The following MAF variants were observed in gnomAD, a reference collection of about 807,000 sequenced individuals.
MAF encodes transcription factor Maf.
MAF carries 10 observed loss-of-function variants against 22.0 expected under a neutral mutation model. The observed-to-expected ratio is 0.45, with a 90% CI of 0.28 to 0.77. MAF has a LOEUF of 0.77. Among genes scored for constraint, MAF ranks in the 30% least tolerant of loss-of-function variants. The pLI is 0.12. For synonymous variants in MAF, 337 were observed against 255.8 expected (o/e 1.32, Z -3.03); for missense variants, 544 against 548.4 (o/e 0.99, Z 0.08).
chr16:79,510,217 A>G, the MAF span, among the ~76,000 whole-genome samples: 1 of 152,238 alleles, frequency 6.6e-6, no homozygotes, highest in Non-Finnish European at 1.5e-5. Context: ...ATTGGCCCAC[A>G]GCAAAAGGGC....
the MAF span, among the ~76,000 whole-genome samples, chr16:79,356,679 C>A: frequency 8.1e-4 from 123 of 152,316 alleles, no homozygotes; most frequent in African/African-American, 2.9e-3. Flanking sequence ...CTTCCCCCCA[C>A]TTTCCACTGG....
intron 1 of MAF, chr16:79,597,085 T>C (rs754064092): frequency 2.8e-6 from 3 of 1,058,480 alleles, no homozygotes; most frequent in East Asian, 5.2e-5. Context: ...ACCCAACTTA[T>C]ATTTAAGTTG....
the MAF span, among the ~76,000 whole-genome samples, chr16:79,559,589 G>C: frequency 3.9e-4 from 59 of 152,008 alleles, no homozygotes; most frequent in Admixed American, 1.7e-3. Flanking sequence ...TGTCACTGCA[G>C]ACAAACTGAC....
chr16:79,519,539 G>T, the MAF span, among the ~76,000 whole-genome samples: 1 of 152,256 alleles, frequency 6.6e-6, no homozygotes, highest in East Asian at 1.9e-4. Flanking sequence ...ACCACTCTCT[G>T]TCCCTCCCTT....
chr16:79,563,021 T>G, the MAF span, among the ~76,000 whole-genome samples: 1 of 152,218 alleles, frequency 6.6e-6, no homozygotes, highest in Non-Finnish European at 1.5e-5. Flanking sequence ...TGTCCATTCA[T>G]CCGTTCAGCA....
the MAF span, among the ~76,000 whole-genome samples, chr16:79,501,448 C>G: frequency 6.6e-6 from 1 of 152,172 alleles, no homozygotes; most frequent in East Asian, 1.9e-4. Flanking sequence ...AGTCAAGCCA[C>G]CAGAACAGGC....
At chr16:79,559,032 G>C in the MAF span, among the ~76,000 whole-genome samples, 5 of 152,110 alleles carry the variant, frequency 3.3e-5, no homozygotes, top group Non-Finnish European at 5.9e-5. Flanking sequence ...AATCTCGCCT[G>C]GTGGCTGTGT....
At chr16:79,462,168 C>T in the MAF span, among the ~76,000 whole-genome samples, 2 of 152,212 alleles carry the variant, frequency 1.3e-5, no homozygotes, top group African/African-American at 4.8e-5. Context: ...ATAATAATGG[C>T]CACAATGGCT....
At chr16:79,425,584 G>T in the MAF span, among the ~76,000 whole-genome samples, 1 of 151,956 alleles carries the variant, frequency 6.6e-6, no homozygotes, top group Non-Finnish European at 1.5e-5. Context: ...CCAAATAATG[G>T]ATTAGGTATT....
chr16:79,522,821 A>G, the MAF span, among the ~76,000 whole-genome samples: 1 of 152,214 alleles, frequency 6.6e-6, no homozygotes, highest in East Asian at 1.9e-4. Flanking sequence ...TAATGGATTA[A>G]GGCTGTAAAT....
At chr16:79,560,420 TG>T in the MAF span, among the ~76,000 whole-genome samples, 1 of 145,550 alleles carries the variant, frequency 6.9e-6, no homozygotes, top group African/African-American at 2.6e-5. Context: ...AAAAGCAAGC[TG>T]AAAAAAAAAA....
At chr16:79,487,230 T>C in the MAF span, among the ~76,000 whole-genome samples, 1 of 150,414 alleles carries the variant, frequency 6.6e-6, no homozygotes, top group South Asian at 2.1e-4. Flanking sequence ...AAAATTCCCA[T>C]GTGACTCCAG....
At chr16:79,228,705 A>G in the MAF span, among the ~76,000 whole-genome samples, 1 of 152,036 alleles carries the variant, frequency 6.6e-6, no homozygotes, top group Non-Finnish European at 1.5e-5. Flanking sequence ...TATGGTTGAA[A>G]ATTCAGATGT....
the MAF span, among the ~76,000 whole-genome samples, chr16:79,516,774 C>A: frequency 1.3e-5 from 2 of 152,300 alleles, no homozygotes; most frequent in African/African-American, 4.8e-5. Flanking sequence ...ACTGTGTACC[C>A]TGGAGCTCTA....
the MAF span, among the ~76,000 whole-genome samples, chr16:79,408,296 C>T: frequency 6.6e-6 from 1 of 151,970 alleles, no homozygotes; most frequent in Non-Finnish European, 1.5e-5. Flanking sequence ...CCTGCCTCAG[C>T]CTCTGGAGTA....
the MAF span, among the ~76,000 whole-genome samples, chr16:79,304,111 G>A: frequency 6.6e-6 from 1 of 151,986 alleles, no homozygotes; most frequent in Non-Finnish European, 1.5e-5. Flanking sequence ...ACTTGACAAG[G>A]CTTGGCAGGC....
chr16:79,354,441 A>T, the MAF span, among the ~76,000 whole-genome samples: 288 of 152,320 alleles, frequency 1.9e-3, 5 homozygotes, highest in South Asian at 4.3e-3. Flanking sequence ...CACAGGCCAC[A>T]TGTACCTTTC....
At chr16:79,538,228 A>T in the MAF span, among the ~76,000 whole-genome samples, 10,575 of 152,330 alleles carry the variant, frequency 0.069, 418 homozygotes, top group South Asian at 0.14. Context: ...AAATAAATAG[A>T]TGAATGAAGT....
the MAF span, among the ~76,000 whole-genome samples, chr16:79,346,042 T>C: frequency 6.6e-6 from 1 of 152,298 alleles, no homozygotes; most frequent in Non-Finnish European, 1.5e-5. Context: ...TTCTTTTTTT[T>C]TATACTTTAA....
Sources: allele counts gnomAD v4.1 joint callset (sites outside exome capture counted in the v4.1 genomes callset), GRCh38; gene constraint gnomAD v4.1.1; transcripts MANE v1.5; gene names NCBI Gene and HGNC (gene_info 2026-07-23, HGNC 2026-07-21).